Variants in PLCE1 observed in about 807,000 individuals in gnomAD.
PLCE1 encodes 1-phosphatidylinositol 4,5-bisphosphate phosphodiesterase epsilon-1.
PLCE1 carries 119 observed loss-of-function variants against 242.8 expected under a neutral mutation model. That is an observed-to-expected ratio of 0.49 (90% CI 0.42 to 0.57). PLCE1 has a LOEUF of 0.57. Ranked by LOEUF, PLCE1 falls within the 20% of genes least tolerant of loss-of-function variation. The probability of loss-of-function intolerance (pLI) is 0.00; values close to 1 mark genes in which losing one functional copy is unlikely to be tolerated. For missense variants in PLCE1, 2,441 were observed against 2,788.8 expected, an observed-to-expected ratio of 0.88 and a Z score of 2.81; for synonymous variants, 945 against 1,017.4, an observed-to-expected ratio of 0.93 and a Z score of 1.35.
intron 23 of PLCE1, among the ~76,000 whole-genome samples, chr10:94,295,395 C>T (rs75017201): frequency 0.073 from 11,103 of 152,240 alleles, 547 homozygotes; most frequent in East Asian, 0.19. Flanking sequence ...AGAAGCAACT[C>T]CTCATCCATT....
intron 28 of PLCE1, among the ~76,000 whole-genome samples, chr10:94,314,191 C>T (rs555346533): frequency 2.6e-5 from 4 of 152,294 alleles, no homozygotes; most frequent in Admixed American, 6.5e-5. Flanking sequence ...CTCCAAAGGG[C>T]GAGGCAGGGC....
At chr10:94,029,821 G>A (rs780328262) in intron 1 of PLCE1, among the ~76,000 whole-genome samples, 10 of 152,262 alleles carry the variant, frequency 6.6e-5, no homozygotes, top group South Asian at 2.1e-4. Context: ...GCAGCAGAGC[G>A]TGACTGCTGA....
At chr10:94,291,739 C>A (rs1404249500) in intron 22 of PLCE1, among the ~76,000 whole-genome samples, 1 of 152,134 alleles carries the variant, frequency 6.6e-6, no homozygotes, top group Non-Finnish European at 1.5e-5. Context: ...GCCGTCTCTA[C>A]TAAAAATACA....
intron 27 of PLCE1, among the ~76,000 whole-genome samples, chr10:94,310,405 A>C (rs1219400581): frequency 6.6e-6 from 1 of 152,034 alleles, no homozygotes; most frequent in Non-Finnish European, 1.5e-5. Context: ...GAGCTTTAAA[A>C]ACTCCATGTG....
intron 4 of PLCE1, among the ~76,000 whole-genome samples, chr10:94,203,905 G>A (rs2049059681): frequency 1.2e-5 from 1 of 81,364 alleles, no homozygotes; most frequent in Non-Finnish European, 3.4e-5. Flanking sequence ...GAAAGGGCAG[G>A]AACCCTCAGG....
At chr10:94,184,392 G>A (rs1459216651) in intron 4 of PLCE1, among the ~76,000 whole-genome samples, 5 of 152,124 alleles carry the variant, frequency 3.3e-5, no homozygotes, top group African/African-American at 4.8e-5. Context: ...GCAATGGCAC[G>A]ACGGTCAGCT....
intron 1 of PLCE1, among the ~76,000 whole-genome samples, chr10:94,012,903 A>G (rs2061197610): frequency 6.6e-6 from 1 of 152,200 alleles, no homozygotes; most frequent in Non-Finnish European, 1.5e-5. Context: ...CAGTCACTCT[A>G]GAAAGCCTTC....
chr10:94,305,073 G>C (rs925907119), intron 25 of PLCE1, among the ~76,000 whole-genome samples: 4 of 152,146 alleles, frequency 2.6e-5, no homozygotes, highest in African/African-American at 7.2e-5. Flanking sequence ...TATCATTCCT[G>C]GGCCTTTCCT....
intron 2 of PLCE1, among the ~76,000 whole-genome samples, chr10:94,106,624 C>T (rs1013018965): frequency 1.3e-5 from 2 of 152,110 alleles, no homozygotes; most frequent in Non-Finnish European, 2.9e-5. Flanking sequence ...TAAATGGCCC[C>T]CAAAATGCTG....
At chr10:94,120,264 G>A (rs1041482303) in intron 2 of PLCE1, among the ~76,000 whole-genome samples, 5 of 152,204 alleles carry the variant, frequency 3.3e-5, no homozygotes, top group African/African-American at 1.2e-4. Flanking sequence ...TATTTCATTT[G>A]CTCTGCCTGA....
chr10:94,012,993 A>G (rs1464683402), intron 1 of PLCE1, among the ~76,000 whole-genome samples: 1 of 152,172 alleles, frequency 6.6e-6, no homozygotes, highest in Non-Finnish European at 1.5e-5. Flanking sequence ...CCACTGTAAC[A>G]ATCTCAGTCA....
At chr10:94,224,871 G>A (rs1413625481) in intron 4 of PLCE1, among the ~76,000 whole-genome samples, 5 of 152,226 alleles carry the variant, frequency 3.3e-5, no homozygotes, top group Admixed American at 6.5e-5. Context: ...GTTACTCATA[G>A]CTGCAGGAGA....
rs1471661772 is a variant in PLCE1 at position 94,298,317 on chromosome 10, A to G, written c.5168-62A>G. On this transcript the variant is annotated intron_variant, in intron 23 of 32. Transcript: ENST00000371380. This position sits in a 1 kb window ranked among gnomAD's most constrained non-coding sequence, Gnocchi z 5.2. ...GTTTACTGGGATGTTGTTCAGGTTTATCTTTCTAAAATATTTAAAGTTTTC... is the reference window on the plus strand; with the variant it reads ...GTTTACTGGGATGTTGTTCAGGTTTGTCTTTCTAAAATATTTAAAGTTTTC... 3 of 1,453,808 alleles carry G rather than the reference A, an allele frequency of 2.1e-6. No homozygotes were observed. The highest frequency in any genetic ancestry group is 2.8e-5 in the African/African-American group (2 of 71,566). The allele number at this position is 1,453,808 out of a possible 1,614,324, so 90.1% of individuals were successfully genotyped here.
intron 4 of PLCE1, among the ~76,000 whole-genome samples, chr10:94,187,882 G>C (rs958511732): frequency 2.0e-5 from 3 of 152,084 alleles, no homozygotes; most frequent in East Asian, 3.9e-4. Flanking sequence ...AAACATGCCG[G>C]ACTGGCCCTA....
chr10:94,016,127 C>T (rs1181879798), intron 1 of PLCE1, among the ~76,000 whole-genome samples: 1 of 152,024 alleles, frequency 6.6e-6, no homozygotes, highest in Non-Finnish European at 1.5e-5. Context: ...TTTCCATGAT[C>T]GCCTCCTTTT....
At chr10:93,998,142 G>C (rs981092958) in intron 1 of PLCE1, among the ~76,000 whole-genome samples, 1 of 152,178 alleles carries the variant, frequency 6.6e-6, no homozygotes, top group African/African-American at 2.4e-5. Context: ...GAACTGCAAG[G>C]CTGGTCTGGG....
At chr10:94,300,662 T>G (rs181914354) in intron 24 of PLCE1, among the ~76,000 whole-genome samples, 1 of 144,652 alleles carries the variant, frequency 6.9e-6, no homozygotes, top group Non-Finnish European at 1.6e-5. Context: ...TACTCTGAGT[T>G]GAGGCAGATT....
chr10:94,285,232 A>G (rs1052022976), intron 22 of PLCE1, among the ~76,000 whole-genome samples: 5 of 152,176 alleles, frequency 3.3e-5, no homozygotes, highest in African/African-American at 1.2e-4. Context: ...CATAATTTCT[A>G]ATTGCTAAAT....
At chr10:94,056,339 C>T (rs541723547) in intron 2 of PLCE1, among the ~76,000 whole-genome samples, 8 of 152,076 alleles carry the variant, frequency 5.3e-5, no homozygotes, top group Non-Finnish European at 8.8e-5. Flanking sequence ...TGTCAAACAC[C>T]GTGTAATTCT....
Sources: gnomAD v4.1 joint callset for allele counts (sites outside exome capture counted in the v4.1 genomes callset) on GRCh38, gnomAD v4.1.1 for gene constraint, Gnocchi (gnomAD v3.1) non-coding constraint, MANE v1.5 for transcripts, NCBI Gene and HGNC (gene_info 2026-07-23, HGNC 2026-07-21) for gene names.